The following CACNB4 variants were observed in gnomAD, a reference collection of about 807,000 sequenced individuals.
CACNB4 encodes the protein calcium voltage-gated channel auxiliary subunit beta 4.
Under a neutral mutation model 71.2 loss-of-function variants are expected in CACNB4, and 32 were observed. The observed-to-expected ratio is 0.45, with a 90% confidence interval of 0.34 to 0.60. The LOEUF (loss-of-function observed/expected upper bound fraction) is 0.60. Among genes scored for constraint, CACNB4 ranks in the 20% least tolerant of loss-of-function variants. The pLI is 0.01. For missense variants in CACNB4, 464 were observed against 647.9 expected, an observed-to-expected ratio of 0.72 and a Z score of 3.08; for synonymous variants, 231 against 236.9, an observed-to-expected ratio of 0.97 and a Z score of 0.23.
At chr2:151,980,632 C>G (rs116046634) in intron 2 of CACNB4, among the ~76,000 whole-genome samples, 3 of 152,186 alleles carry the variant, frequency 2.0e-5, no homozygotes, top group African/African-American at 7.2e-5. Flanking sequence ...GCTACCTTTG[C>G]ACTTTGGTTG....
intron 2 of CACNB4, among the ~76,000 whole-genome samples, chr2:151,955,316 T>C (rs1232051531): frequency 6.6e-6 from 1 of 152,228 alleles, no homozygotes; most frequent in Non-Finnish European, 1.5e-5. Flanking sequence ...ATCCACTCAT[T>C]CAATATTAAC....
intron 5 of CACNB4, among the ~76,000 whole-genome samples, chr2:151,874,563 G>C (rs1202545242): frequency 6.6e-6 from 1 of 151,950 alleles, no homozygotes; most frequent in Admixed American, 6.6e-5. Context: ...TGCTAAAAAA[G>C]ATTGGTAATT....
At chr2:152,079,527 T>C (rs981239653) in intron 2 of CACNB4, among the ~76,000 whole-genome samples, 11 of 152,012 alleles carry the variant, frequency 7.2e-5, no homozygotes, top group Non-Finnish European at 1.2e-4. Flanking sequence ...GGCACACACC[T>C]GTAATCCCAG....
intron 9 of CACNB4, among the ~76,000 whole-genome samples, chr2:151,864,634 G>A (rs1227605030): frequency 2.0e-5 from 3 of 152,092 alleles, no homozygotes; most frequent in Admixed American, 6.5e-5. Context: ...CAGGAGACCC[G>A]AGTATCTTCC....
intron 2 of CACNB4, among the ~76,000 whole-genome samples, chr2:152,069,837 C>CTTTTTTTTTTTTTTTTTT (rs70974819): frequency 1.0e-5 from 1 of 98,724 alleles, no homozygotes; most frequent in African/African-American, 4.3e-5. Flanking sequence ...CTTCATCAAT[C>CTTTTTTTTTTTTTTTTTT]TTTTTTTTTT....
At chr2:152,090,147 A>G (rs1016870558) in intron 2 of CACNB4, among the ~76,000 whole-genome samples, 2 of 152,246 alleles carry the variant, frequency 1.3e-5, no homozygotes, top group East Asian at 3.9e-4. Context: ...CCCAGAAAAG[A>G]TGGGTCAGAC....
At chr2:151,868,598 A>G (rs2099843780) in intron 9 of CACNB4, 1 of 152,196 alleles carries the variant, frequency 6.6e-6, no homozygotes. Flanking sequence ...TACATTAAAA[A>G]AAGATCAATA....
chr2:151,876,815 A>G (rs572598215), intron 4 of CACNB4, among the ~76,000 whole-genome samples: 2 of 146,458 alleles, frequency 1.4e-5, no homozygotes, highest in East Asian at 3.9e-4. Context: ...ACTATATTAT[A>G]CTATACATTT....
intron 4 of CACNB4, chr2:151,879,722 A>C (rs549006378): frequency 2.0e-4 from 30 of 152,370 alleles, no homozygotes; most frequent in African/African-American, 6.5e-4. Flanking sequence ...TCTGGTCCAC[A>C]TAAGATTACC....
rs1322025336 is a variant in CACNB4 at position 152,098,084 on chromosome 2, A to G, written c.147+246T>C. Among the ~76,000 whole-genome samples the G allele has an allele frequency of 1.3e-5, 2 of 152,198 alleles. No homozygotes were observed. The highest frequency in any genetic ancestry group is 2.9e-5 in the Non-Finnish European group (2 of 68,028). On this transcript the variant is annotated intron_variant, in intron 2 of 13. Transcript: ENST00000539935. This position sits in a 1 kb window ranked among gnomAD's most constrained non-coding sequence, Gnocchi z 5.3. ...CGTCCCTGACTTAAGCCAGGTCCCC[A>G]CCGAACTGTCCACACACATGCACAA... is the stretch of plus-strand genomic sequence containing the variant.
At chr2:151,896,174 C>T (rs2099852016) in intron 2 of CACNB4, among the ~76,000 whole-genome samples, 1 of 152,210 alleles carries the variant, frequency 6.6e-6, no homozygotes, top group African/African-American at 2.4e-5. Flanking sequence ...AGAATATTTC[C>T]TGTGAGAGGC....
At chr2:151,971,249 A>G in intron 2 of CACNB4, 1 of 531,808 alleles carries the variant, frequency 1.9e-6, no homozygotes, top group Non-Finnish European at 3.4e-6. Context: ...TCGGAATAAA[A>G]TTGTCCCTAG....
At chr2:151,880,979 C>T in intron 3 of CACNB4, 57 bp from the exon 4 acceptor site, 2 of 1,502,244 alleles carry the variant, frequency 1.3e-6, no homozygotes, top group South Asian at 2.6e-5. Context: ...GAGCATTTTT[C>T]ATATTGAAAC....
intron 2 of CACNB4, among the ~76,000 whole-genome samples, chr2:152,090,879 C>T (rs948384999): frequency 2.6e-5 from 4 of 151,626 alleles, no homozygotes; most frequent in African/African-American, 9.7e-5. Flanking sequence ...AGCCCAATCT[C>T]TACTAAAAAT....
intron 9 of CACNB4, among the ~76,000 whole-genome samples, chr2:151,863,818 C>T (rs1256370234): frequency 6.7e-6 from 1 of 150,044 alleles, no homozygotes; most frequent in Non-Finnish European, 1.5e-5. Flanking sequence ...TTTGCTAATA[C>T]AAGTTAGTTT....
intron 2 of CACNB4, among the ~76,000 whole-genome samples, chr2:151,976,018 C>A (rs974394171): frequency 6.6e-6 from 1 of 152,198 alleles, no homozygotes; most frequent in Non-Finnish European, 1.5e-5. Context: ...TCCCTATAGC[C>A]AATGTGAGGG....
At chr2:152,016,193 T>C (rs964738556) in intron 2 of CACNB4, among the ~76,000 whole-genome samples, 1 of 152,202 alleles carries the variant, frequency 6.6e-6, no homozygotes, top group Non-Finnish European at 1.5e-5. Context: ...CATTCAGAGA[T>C]ACAGAAAGAA....
rs574891437 is a variant in CACNB4 at position 152,090,612 on chromosome 2, C to T, written c.147+7718G>A. On this transcript the variant is annotated intron_variant, in intron 2 of 13. Transcript: ENST00000539935. Reference sequence around the variant, plus strand: ...GAGCCAAGATCGCGCCACTGCACTCCAGCCTGGGCAACAACAGCAAAACTC... The same window carrying T: ...GAGCCAAGATCGCGCCACTGCACTCTAGCCTGGGCAACAACAGCAAAACTC... Among the ~76,000 whole-genome samples, 384 of 148,796 alleles carry T rather than the reference C, an allele frequency of 2.6e-3. 17 individuals carry two copies. In the South Asian group the frequency reaches 0.076, roughly 30 times the overall value.
In CACNB4 at chr2:152,098,263, G is replaced by C; in HGVS notation, c.147+67C>G. ...CTCCCGCACGTGTGGGCCACGGCCG[G>C]CTCCAGGACCCCCGCGCCGCGCGCT... On this transcript the variant is annotated intron_variant, in intron 2 of 13. Coordinates refer to ENST00000539935, the MANE Select transcript of CACNB4 (RefSeq NM_000726.5). This position sits in a 1 kb window ranked among gnomAD's most constrained non-coding sequence, Gnocchi z 5.3. 1 of 1,306,298 alleles carries C rather than the reference G, an allele frequency of 7.7e-7. No homozygotes were observed. Among genetic ancestry groups the C allele is most frequent in the Non-Finnish European group, 1.1e-6 (1 of 902,982 alleles). The allele number at this position is 1,306,298 out of a possible 1,614,324, so 80.9% of individuals were successfully genotyped here. A position where few individuals can be genotyped will look rare whatever the true frequency, so the allele number is the denominator to read the frequency against.
Sources: gnomAD v4.1 joint callset for allele counts (sites outside exome capture counted in the v4.1 genomes callset) on GRCh38, gnomAD v4.1.1 for gene constraint, Gnocchi (gnomAD v3.1) non-coding constraint, MANE v1.5 for transcripts, NCBI Gene and HGNC (gene_info 2026-07-23, HGNC 2026-07-21) for gene names.